Variants in CEP135 observed in about 807,000 individuals in gnomAD.
CEP135 encodes centrosomal protein of 135 kDa.
A neutral mutation model predicts 157.3 loss-of-function variants in CEP135; 142 were observed. The ratio of observed to expected loss-of-function variants is 0.90; its 90% CI spans 0.79 to 1.04. The LOEUF (loss-of-function observed/expected upper bound fraction) is 1.04. Ranked by LOEUF, CEP135 falls within the 50% of genes least tolerant of loss-of-function variation. The pLI, the probability that CEP135 is intolerant of heterozygous loss-of-function variation, is 0.00. For missense variants in CEP135, 1,317 were observed against 1,309.2 expected, an observed-to-expected ratio of 1.01 and a Z score of -0.09; for synonymous variants, 396 against 439.8, an observed-to-expected ratio of 0.90 and a Z score of 1.25.
Position 55,961,764 on chromosome 4 carries a change from T to TAAAAAAAAAA in CEP135, c.699+2020_699+2029dup, listed in dbSNP as rs564116620. Among the ~76,000 whole-genome samples, 23 of 54,210 alleles carry TAAAAAAAAAA rather than the reference T, an allele frequency of 4.2e-4. No homozygotes were observed. The East Asian group carries it at 4.7e-3, about 11-fold the overall frequency. The allele number at this position is 54,210 out of a possible 152,430, so 35.6% of individuals were successfully genotyped here. A position where few individuals can be genotyped will look rare whatever the true frequency, so the allele number is the denominator to read the frequency against. ...GGGCAACAAGAGCGAAAACTCTGTC[T>TAAAAAAAAAA]AAAAAAAAAAAAAAAAAAAAAAAAA... On this transcript the variant is annotated intron_variant, in intron 6 of 25. Coordinates refer to ENST00000257287, the MANE Select transcript of CEP135 (RefSeq NM_025009.5).
rs771026104 is a variant in CEP135 at position 55,980,323 on chromosome 4, T to C, written c.1626+28T>C. Reference sequence around the variant, plus strand: ...AAGAAATGTATTATAATTAAGCCAATAGATTGTATAGAACCAGTTAACTAT... The same window carrying C: ...AAGAAATGTATTATAATTAAGCCAACAGATTGTATAGAACCAGTTAACTAT... On this transcript the variant is annotated intron_variant, in intron 12 of 25. Coordinates refer to ENST00000257287, the MANE Select transcript of CEP135 (RefSeq NM_025009.5). 5 of 1,391,586 alleles carry C rather than the reference T, an allele frequency of 3.6e-6. No homozygotes were observed. The South Asian group carries it at 6.2e-5, about 17-fold the overall frequency. The allele number at this position is 1,391,586 out of a possible 1,614,324, so 86.2% of individuals were successfully genotyped here. A position where few individuals can be genotyped will look rare whatever the true frequency, so the allele number is the denominator to read the frequency against.
At chr4:55,986,634 C>T (rs1287161262) in intron 14 of CEP135, among the ~76,000 whole-genome samples, 3 of 152,070 alleles carry the variant, frequency 2.0e-5, no homozygotes, top group African/African-American at 7.2e-5. Flanking sequence ...GGATTTTTAA[C>T]AATTTGGTAT....
At chr4:56,014,609 G>A (rs868403346) in intron 21 of CEP135, among the ~76,000 whole-genome samples, 5 of 152,108 alleles carry the variant, frequency 3.3e-5, no homozygotes, top group East Asian at 1.9e-4. Flanking sequence ...GGATGAACTC[G>A]GATATTTAGC....
At chr4:55,951,986 C>CA (rs1295233142) in intron 1 of CEP135, 100 bp from the exon 2 acceptor site, 10 of 489,624 alleles carry the variant, frequency 2.0e-5, no homozygotes, top group African/African-American at 1.8e-4. Context: ...TGAAGAAAAA[C>CA]AAAAAATAAT....
intron 13 of CEP135, among the ~76,000 whole-genome samples, chr4:55,982,394 G>C (rs1729441612): frequency 1.3e-5 from 2 of 152,106 alleles, no homozygotes; most frequent in African/African-American, 4.8e-5. Flanking sequence ...CCCACCAGTA[G>C]TGAATAAAAG....
At chr4:55,974,611 G>A in intron 10 of CEP135, 135 bp from the exon 11 acceptor site, 1 of 604,890 alleles carries the variant, frequency 1.7e-6, no homozygotes, top group South Asian at 3.0e-5. Context: ...AATAGATTTG[G>A]TACCTACAGG....
At position 55,992,172 on chromosome 4, in the gene CEP135, GCCTTTGTGC is replaced by G. The variant is rs1316808467; in HGVS notation, c.2009+88_2009+96del. On this transcript the variant is annotated intron_variant, in intron 15 of 25. Coordinates refer to ENST00000257287, the MANE Select transcript of CEP135 (RefSeq NM_025009.5). The stretch of plus-strand genomic sequence containing the variant: ...TTATAATCATGGCATTTTGGACTGG[GCCTTTGTGC>G]AGTAGTTTTAGAAGTTGGCTTTGCA... 2.3e-6 allele frequency: 3 copies of G among 1,307,416 alleles called. No homozygotes were observed. The East Asian group carries it at 7.6e-5, about 33-fold the overall frequency. The allele number at this position is 1,307,416 out of a possible 1,614,324, so 81.0% of individuals were successfully genotyped here. A position where few individuals can be genotyped will look rare whatever the true frequency, so the allele number is the denominator to read the frequency against.
intron 14 of CEP135, among the ~76,000 whole-genome samples, chr4:55,988,816 C>G (rs2109696763): frequency 6.6e-6 from 1 of 151,522 alleles, no homozygotes; most frequent in South Asian, 2.1e-4. Flanking sequence ...CAAAAATTAG[C>G]CGGGCGTGGT....
At chr4:55,980,737 C>T (rs1241257671) in intron 12 of CEP135, among the ~76,000 whole-genome samples, 1 of 152,146 alleles carries the variant, frequency 6.6e-6, no homozygotes, top group African/African-American at 2.4e-5. Flanking sequence ...ATTAACAAAT[C>T]CTCAGTTGTT....
chr4:56,021,137 A>T (rs1460932955), intron 24 of CEP135, among the ~76,000 whole-genome samples: 1 of 152,210 alleles, frequency 6.6e-6, no homozygotes, highest in Non-Finnish European at 1.5e-5. Context: ...TAGAGAAGCA[A>T]CAACAATCCC....
At chr4:56,023,616 T>C (rs554576708) in intron 24 of CEP135, among the ~76,000 whole-genome samples, 115 of 146,522 alleles carry the variant, frequency 7.8e-4, no homozygotes, top group African/African-American at 2.8e-3. Context: ...TGTATTATAA[T>C]TAATATAACA....
At chr4:56,010,434 A>G (rs769189977) in intron 19 of CEP135, among the ~76,000 whole-genome samples, 3 of 149,564 alleles carry the variant, frequency 2.0e-5, no homozygotes, top group African/African-American at 2.5e-5. Context: ...GAATGCTGCT[A>G]TATATCACAG....
intron 21 of CEP135, among the ~76,000 whole-genome samples, chr4:56,017,209 A>G (rs1730806899): frequency 6.6e-6 from 1 of 152,146 alleles, no homozygotes; most frequent in Non-Finnish European, 1.5e-5. Flanking sequence ...ATCCAGGTAT[A>G]TAGTTTTGAA....
intron 15 of CEP135, among the ~76,000 whole-genome samples, chr4:55,993,426 A>G (rs1295161296): frequency 6.6e-6 from 1 of 152,236 alleles, no homozygotes; most frequent in Non-Finnish European, 1.5e-5. Context: ...ATACTATATT[A>G]GCGACTCATA....
intron 12 of CEP135, 101 bp from the exon 13 acceptor site, chr4:55,981,126 T>G (rs544023934): frequency 3.6e-5 from 36 of 1,010,658 alleles, no homozygotes; most frequent in Non-Finnish European, 5.1e-5. Flanking sequence ...CGGTAGCATG[T>G]GTTCAGTATG....
At position 56,009,808 on chromosome 4, in the gene CEP135, A is replaced by G. The variant is rs1466651865; in HGVS notation, c.2410A>G (p.Lys804Glu). The G allele has an allele frequency of 4.3e-6, 7 of 1,614,056 alleles. No homozygotes were observed. The highest frequency in any genetic ancestry group is 5.9e-6 in the Non-Finnish European group (7 of 1,180,020). The change falls in exon 19 of 26, where the codon AAA becomes GAA. Residue 804 changes from lysine to glutamate, a missense_variant. Coordinates refer to ENST00000257287, the MANE Select transcript of CEP135 (RefSeq NM_025009.5). ...SLRRQLDAAH[K>E]ELDEVGRSRE... ...CCGGCGCCAGCTTGATGCAGCTCAC[A>G]AAGAACTCGATGAAGTAGGAAGATC...
Position 55,971,261 on chromosome 4 carries a change from A to C in CEP135, c.1111-9A>C, listed in dbSNP as rs1729017104. ...TTAGAAATCTTAATTATAGTATTAA[A>C]ATTTGCAGGAATTGAACTTATGCCA... On this transcript the variant is annotated splice_polypyrimidine_tract_variant and intron_variant, in intron 9 of 25. Transcript: ENST00000257287. 2 of 1,555,296 alleles carry C rather than the reference A, an allele frequency of 1.3e-6. No individual in the cohort carries two copies.
At chr4:56,027,222 G>A (rs1560428819) in intron 25 of CEP135, among the ~76,000 whole-genome samples, 1 of 152,192 alleles carries the variant, frequency 6.6e-6, no homozygotes, top group Non-Finnish European at 1.5e-5. Context: ...GTAAGAATGT[G>A]ACACAGACAT....
intron 14 of CEP135, among the ~76,000 whole-genome samples, chr4:55,985,997 G>A (rs1397125096): frequency 6.6e-6 from 1 of 152,108 alleles, no homozygotes; most frequent in Non-Finnish European, 1.5e-5. Flanking sequence ...TTAGGAGTGT[G>A]TACTCTGAAG....
Sources: gnomAD v4.1 joint callset for allele counts (sites outside exome capture counted in the v4.1 genomes callset) on GRCh38, gnomAD v4.1.1 for gene constraint, MANE v1.5 for transcripts, NCBI Gene and HGNC (gene_info 2026-07-23, HGNC 2026-07-21) for gene names.